Variants in HPGDS observed in about 807,000 individuals in gnomAD.
The protein encoded by HPGDS is hematopoietic prostaglandin D synthase.
HPGDS carries 26 observed loss-of-function variants against 23.1 expected under a neutral mutation model. The ratio of observed to expected loss-of-function variants is 1.13; its 90% confidence interval spans 0.83 to 1.56. HPGDS has a LOEUF of 1.56. Among genes scored for constraint, HPGDS ranks in the 40% most tolerant of loss-of-function variants. The pLI is 0.00. For missense variants in HPGDS, 268 were observed against 236.4 expected, an observed-to-expected ratio of 1.13 and a Z score of -0.88; for synonymous variants, 95 against 77.9, an observed-to-expected ratio of 1.22 and a Z score of -1.16.
Position 94,321,677 on chromosome 4 carries a change from G to A in HPGDS, c.134-3712C>T, listed in dbSNP as rs184364267. 3.1e-3 allele frequency among the ~76,000 whole-genome samples: 474 copies of A among 152,264 alleles called. 2 individuals carry two copies. The highest frequency in any genetic ancestry group is 4.8e-3 in the Non-Finnish European group (326 of 68,012). On this transcript the variant is annotated intron_variant, in intron 2 of 5. Transcript: ENST00000295256. ...GGAGATTTTGGGCTGAGATGATGGG[G>A]TTTTCTAAATATACAATCATGTCAT... is the stretch of plus-strand genomic sequence containing the variant.
intron 4 of HPGDS, among the ~76,000 whole-genome samples, chr4:94,307,157 T>TA (rs1388180403): frequency 9.4e-6 from 1 of 106,150 alleles, no homozygotes; most frequent in Non-Finnish European, 2.2e-5. Flanking sequence ...CCAGTCAAAC[T>TA]ATAAACAAGT....
chr4:94,337,851 A>C lies in HPGDS; in HGVS notation c.-9-3213T>G, dbSNP rs370394155. ...GCTATTTTATATTGTATTTCACTCA[A>C]GTAAAGAAGACATTTAAAAATTCTC... On this transcript the variant is annotated intron_variant, in intron 1 of 5. Transcript: ENST00000295256. 1.6e-4 allele frequency among the ~76,000 whole-genome samples: 25 copies of C among 152,340 alleles called. No homozygotes were observed. In the South Asian group the frequency reaches 5.0e-3, roughly 30 times the overall value.
intron 3 of HPGDS, among the ~76,000 whole-genome samples, chr4:94,313,436 T>G (rs1265484502): frequency 4.6e-5 from 7 of 152,346 alleles, no homozygotes; most frequent in Non-Finnish European, 1.0e-4. Flanking sequence ...GGTTGAAAAT[T>G]CTTTTCTTTA....
At chr4:94,310,644 T>G (rs1437494118) in intron 3 of HPGDS, among the ~76,000 whole-genome samples, 1 of 152,094 alleles carries the variant, frequency 6.6e-6, no homozygotes, top group African/African-American at 2.4e-5. Context: ...ATATGAACTT[T>G]AAAGTAGTTT....
chr4:94,314,365 C>A (rs189712924), intron 3 of HPGDS, among the ~76,000 whole-genome samples: 238 of 152,304 alleles, frequency 1.6e-3, no homozygotes, highest in African/African-American at 5.3e-3. Flanking sequence ...ACAGTCAGGA[C>A]CCTCAGCTGC....
At chr4:94,321,424 C>T (rs1425857315) in intron 2 of HPGDS, among the ~76,000 whole-genome samples, 1 of 152,098 alleles carries the variant, frequency 6.6e-6, no homozygotes, top group Non-Finnish European at 1.5e-5. Context: ...TTGTTTGTAT[C>T]CTCTTTTATT....
intron 1 of HPGDS, among the ~76,000 whole-genome samples, chr4:94,342,097 A>C (rs949067662): frequency 6.6e-6 from 1 of 152,190 alleles, no homozygotes; most frequent in African/African-American, 2.4e-5. Context: ...ATTTCAATCA[A>C]GCACTGGATG....
chr4:94,301,786 A>C (rs1756045423), intron 5 of HPGDS, among the ~76,000 whole-genome samples: 1 of 152,144 alleles, frequency 6.6e-6, no homozygotes, highest in Non-Finnish European at 1.5e-5. Flanking sequence ...TCTGTCTTAG[A>C]TGTATAATCA....
chr4:94,327,839 G>A (rs758393501), intron 2 of HPGDS, among the ~76,000 whole-genome samples: 3 of 152,212 alleles, frequency 2.0e-5, no homozygotes, highest in East Asian at 1.9e-4. Context: ...GGGTTGTTGT[G>A]GGGGGATGTC....
chr4:94,306,989 A>G (rs936890794), intron 4 of HPGDS, among the ~76,000 whole-genome samples: 1 of 152,092 alleles, frequency 6.6e-6, no homozygotes, highest in African/African-American at 2.4e-5. Context: ...AAGACTCACC[A>G]TTGCAAAATT....
At chr4:94,315,898 T>A (rs1230462216) in intron 3 of HPGDS, among the ~76,000 whole-genome samples, 2 of 152,206 alleles carry the variant, frequency 1.3e-5, no homozygotes, top group Non-Finnish European at 2.9e-5. Context: ...CCTTATTCAA[T>A]ATTTTTAGTC....
chr4:94,313,474 C>T (rs1374560414), intron 3 of HPGDS, among the ~76,000 whole-genome samples: 1 of 152,224 alleles, frequency 6.6e-6, no homozygotes, highest in Admixed American at 6.5e-5. Context: ...CCCCCACTCT[C>T]TTCTGGCTTG....
At position 94,304,021 on chromosome 4, in the gene HPGDS, A is replaced by G. The variant is rs1756095375; in HGVS notation, c.337-1777T>C. 4 of 125,914 alleles carry G rather than the reference A, an allele frequency of 3.2e-5. No homozygotes were observed. The Admixed American group carries it at 3.6e-4, about 11-fold the overall frequency. 7.8% of individuals were successfully genotyped at this position (125,914 alleles called of 1,614,324 possible). A position where few individuals can be genotyped will look rare whatever the true frequency, so the allele number is the denominator to read the frequency against. ...CATAAAGAAGATAAGATTTGATTAC[A>G]CTTCTTTTTTTTTCCAGATATATTT... On this transcript the variant is annotated intron_variant, in intron 4 of 5. Transcript: ENST00000295256.
chr4:94,299,875 G>A lies in HPGDS; in HGVS notation c.436-231C>T, dbSNP rs114733047. 1.3e-3 allele frequency among the ~76,000 whole-genome samples: 191 copies of A among 152,276 alleles called. 1 individual carries two copies. Among genetic ancestry groups the A allele is most frequent in the African/African-American group, 4.5e-3 (185 of 41,554 alleles). On this transcript the variant is annotated intron_variant, in intron 5 of 5. Transcript: ENST00000295256. ...AAGATATTTTTCTATGCTGATAGAT[G>A]TTGTTTTACTAACATGAGATCTTAA...
chr4:94,336,480 G>A (rs1721014775), intron 1 of HPGDS, among the ~76,000 whole-genome samples: 1 of 152,170 alleles, frequency 6.6e-6, no homozygotes, highest in African/African-American at 2.4e-5. Context: ...TAAAACGAGA[G>A]AGCTACTGCC....
intron 2 of HPGDS, among the ~76,000 whole-genome samples, chr4:94,323,670 A>T (rs1446992526): frequency 6.6e-6 from 1 of 151,930 alleles, no homozygotes; most frequent in Non-Finnish European, 1.5e-5. Flanking sequence ...TGCACTTGAG[A>T]TGGGTCTCCT....
intron 3 of HPGDS, among the ~76,000 whole-genome samples, chr4:94,312,904 C>G (rs926537594): frequency 2.6e-5 from 4 of 152,090 alleles, no homozygotes; most frequent in Admixed American, 6.6e-5. Flanking sequence ...CCTTCTTTGT[C>G]TCTTTTGATC....
At chr4:94,322,736 G>T (rs1756542121) in intron 2 of HPGDS, among the ~76,000 whole-genome samples, 1 of 151,644 alleles carries the variant, frequency 6.6e-6, no homozygotes, top group Non-Finnish European at 1.5e-5. Context: ...CTGATTTTTT[G>T]AAGGGTTTTT....
chr4:94,306,750 G>C (rs767657), intron 4 of HPGDS, among the ~76,000 whole-genome samples: 1 of 151,804 alleles, frequency 6.6e-6, no homozygotes, highest in Non-Finnish European at 1.5e-5. Context: ...GGACTGATGA[G>C]AAATGCTTTC....
Sources: allele counts gnomAD v4.1 joint callset (sites outside exome capture counted in the v4.1 genomes callset), GRCh38; gene constraint gnomAD v4.1.1; transcripts MANE v1.5; gene names NCBI Gene and HGNC (gene_info 2026-07-23, HGNC 2026-07-21).